Variants in AKR1C3 observed in about 807,000 individuals in gnomAD.
AKR1C3 encodes aldo-keto reductase family 1 member C3, also known as 3-alpha hydroxysteroid dehydrogenase, type II.
AKR1C3 carries 48 observed loss-of-function variants against 43.6 expected under a neutral mutation model. The observed-to-expected ratio is 1.10, with a 90% CI of 0.87 to 1.40. The LOEUF (loss-of-function observed/expected upper bound fraction) is 1.40, where lower values mean the gene tolerates loss of function less well. AKR1C3 is among the 40% of genes most tolerant of loss of function. AKR1C3 has a pLI of 0.00. For synonymous variants in AKR1C3, 162 were observed against 139.6 expected (o/e 1.16, Z -1.13); for missense variants, 482 against 391.2 (o/e 1.23, Z -1.96).
rs74710128 is a variant in AKR1C3 at position 5,078,815 on chromosome 10, G to A, written c.85-17595G>A. 1.8e-3 allele frequency among the ~76,000 whole-genome samples: 270 copies of A among 152,318 alleles called. 1 individual carries two copies. The highest frequency in any genetic ancestry group is 6.2e-3 in the African/African-American group (256 of 41,574). ...GAAAATATTTGCCATTGAAGCAAGGGACTATTTGCCTCAAGGTTAAATAAG... is the reference window on the plus strand; with the variant it reads ...GAAAATATTTGCCATTGAAGCAAGGAACTATTTGCCTCAAGGTTAAATAAG... On this transcript the variant is annotated intron_variant, in intron 1 of 8. Coordinates refer to the AKR1C3 transcript ENST00000439082.
intron 5 of AKR1C3, chr10:5,099,941 C>CA (rs1564370377): frequency 6.4e-6 from 1 of 156,630 alleles, no homozygotes. Flanking sequence ...AATTCTTGAC[C>CA]AGGGGCATAG....
intron 1 of AKR1C3, among the ~76,000 whole-genome samples, chr10:5,095,297 C>T (rs113410132): frequency 1.0e-3 from 158 of 152,130 alleles, no homozygotes; most frequent in African/African-American, 3.7e-3. Flanking sequence ...AAATTTGAGT[C>T]TCTCACTTTA....
chr10:5,090,594 T>G (rs1839068687), upstream of AKR1C3, among the ~76,000 whole-genome samples: 1 of 152,138 alleles, frequency 6.6e-6, no homozygotes, highest in South Asian at 2.1e-4. Context: ...TAATGCTGCT[T>G]CTTCATGGAG....
chr10:5,102,264 T>G, intron 6 of AKR1C3, 54 bp downstream of exon 6: 2 of 1,583,362 alleles, frequency 1.3e-6, no homozygotes, highest in Non-Finnish European at 1.7e-6. Flanking sequence ...GAAAATTTTT[T>G]AGTCAGAGCA....
chr10:5,067,833 T>C (rs1057364190), intron 1 of AKR1C3, among the ~76,000 whole-genome samples: 2 of 152,156 alleles, frequency 1.3e-5, no homozygotes, highest in Non-Finnish European at 2.9e-5. Flanking sequence ...TGCAGAACTT[T>C]TAATAATAAA....
At chr10:5,091,346 G>A (rs1839084939), upstream of AKR1C3, among the ~76,000 whole-genome samples, 1 of 152,104 alleles carries the variant, frequency 6.6e-6, no homozygotes, top group Non-Finnish European at 1.5e-5. Flanking sequence ...CGAAGTTCTG[G>A]AGACTAGAAT....
Position 5,051,611 on chromosome 10 carries a change from T to G in AKR1C3, c.84+2716T>G, listed in dbSNP as rs1838155665. On this transcript the variant is annotated intron_variant, in intron 1 of 8. Transcript: ENST00000439082. ...GAATCATTGCAGTTCATATCACGCA[T>G]TATTCTTTCTTTCTTCAGTCTTGCT... is the stretch of plus-strand genomic sequence containing the variant. Among the ~76,000 whole-genome samples, 3 of 152,228 alleles carry G rather than the reference T, an allele frequency of 2.0e-5. No homozygotes were observed. In the South Asian group the frequency reaches 6.2e-4, roughly 31 times the overall value.
At position 5,094,548 on chromosome 10, in the gene AKR1C3, G is replaced by T; in HGVS notation, c.84+20G>T. Reference sequence around the variant, plus strand: ...CCAGAGGTAAGAATAATTCCTTTTAGTTTTCGGATTTCAAAAGAATAAACC... The same window carrying T: ...CCAGAGGTAAGAATAATTCCTTTTATTTTTCGGATTTCAAAAGAATAAACC... On this transcript the variant is annotated intron_variant, in intron 1 of 8. Transcript: ENST00000380554. The T allele has an allele frequency of 6.2e-7, 1 of 1,611,502 alleles. No homozygotes were observed. Among genetic ancestry groups the T allele is most frequent in the East Asian group, 2.2e-5 (1 of 44,816 alleles).
At chr10:5,051,147 G>A (rs1838145393) in intron 1 of AKR1C3, among the ~76,000 whole-genome samples, 1 of 152,348 alleles carries the variant, frequency 6.6e-6, no homozygotes, top group East Asian at 1.9e-4. Context: ...CCAGGCTGGA[G>A]TACAGTGGCG....
At chr10:5,102,914 C>T (rs587595138) in intron 7 of AKR1C3, among the ~76,000 whole-genome samples, 8 of 151,560 alleles carry the variant, frequency 5.3e-5, no homozygotes, top group African/African-American at 1.9e-4. Context: ...GCACCAGGAA[C>T]ATCATTTTTT....
rs990429430 is a variant in AKR1C3, at chr10:5,064,887, A to G, written c.84+15992A>G. Among the ~76,000 whole-genome samples, 5 of 147,004 alleles carry G rather than the reference A, an allele frequency of 3.4e-5. No homozygotes were observed. In the Admixed American group the frequency reaches 3.4e-4, roughly 10 times the overall value. On this transcript the variant is annotated intron_variant, in intron 1 of 8. Coordinates refer to the AKR1C3 transcript ENST00000439082. ...TACTATGCATCTGATGAGTTCCAATATCCAGAATCTACAAGAAACCTAAAC... is the reference window on the plus strand; with the variant it reads ...TACTATGCATCTGATGAGTTCCAATGTCCAGAATCTACAAGAAACCTAAAC...
chr10:5,103,679 A>C (rs1447609872), intron 7 of AKR1C3, among the ~76,000 whole-genome samples: 1 of 152,194 alleles, frequency 6.6e-6, no homozygotes, highest in Non-Finnish European at 1.5e-5. Flanking sequence ...GCATGACCCC[A>C]AGGCAGTGAG....
At chr10:5,106,625 C>A (rs1284367207) in intron 8 of AKR1C3, among the ~76,000 whole-genome samples, 2 of 152,106 alleles carry the variant, frequency 1.3e-5, no homozygotes, top group Non-Finnish European at 2.9e-5. Context: ...GTGACACTTA[C>A]CTGTAATCCC....
Position 5,102,668 on chromosome 10 carries a change from G to C in AKR1C3, c.846+18G>C. ...ACGTGCAGGTGAGGAGCGGGGCTGT[G>C]GGCCTCAGGTCTCCTGCACAGTGTC... On this transcript the variant is annotated intron_variant, in intron 7 of 8. Transcript: ENST00000380554. 3.4e-6 allele frequency: 5 copies of C among 1,451,354 alleles called. No homozygotes were observed. The highest frequency in any genetic ancestry group is 4.5e-6 in the Non-Finnish European group (5 of 1,099,264). The allele number at this position is 1,451,354 out of a possible 1,614,324, so 89.9% of individuals were successfully genotyped here.
intron 8 of AKR1C3, among the ~76,000 whole-genome samples, chr10:5,107,166 AAAG>A (rs782589544): frequency 1.1e-4 from 16 of 152,184 alleles, no homozygotes; most frequent in Non-Finnish European, 1.9e-4. Context: ...TAAAGTAACA[AAAG>A]AAAGTATAAT....
intron 7 of AKR1C3, chr10:5,105,295 TGGGCACAATGTGACCCTATCATG>T: frequency 1.2e-4 from 1 of 8,534 alleles, no homozygotes; most frequent in Non-Finnish European, 2.6e-4. Context: ...CCCTATCATG[TGGGCACAATGTGACCCTATCATG>T]TGGGCACAAT....
At chr10:5,071,988 A>T (rs1838619263) in intron 1 of AKR1C3, among the ~76,000 whole-genome samples, 1 of 152,214 alleles carries the variant, frequency 6.6e-6, no homozygotes, top group South Asian at 2.1e-4. Context: ...GTTACTGATA[A>T]AACCTGTCCT....
chr10:5,059,589 C>G (rs1588332498), intron 1 of AKR1C3, among the ~76,000 whole-genome samples: 1 of 152,178 alleles, frequency 6.6e-6, no homozygotes, highest in African/African-American at 2.4e-5. Flanking sequence ...TAGCCCTTTC[C>G]CAGAAAGCCT....
At chr10:5,101,312 AATGGTT>A (rs1839342398) in intron 5 of AKR1C3, among the ~76,000 whole-genome samples, 1 of 152,202 alleles carries the variant, frequency 6.6e-6, no homozygotes, top group South Asian at 2.1e-4. Context: ...TTTTGTATTT[AATGGTT>A]ATTTATTATT....
Sources: allele counts gnomAD v4.1 joint callset (sites outside exome capture counted in the v4.1 genomes callset), GRCh38; gene constraint gnomAD v4.1.1; transcripts MANE v1.5; gene names NCBI Gene and HGNC (gene_info 2026-07-23, HGNC 2026-07-21).